Variants in SSBP3 observed in about 807,000 individuals in gnomAD.
SSBP3 encodes the protein single stranded DNA binding protein 3.
In SSBP3, 5 loss-of-function variants were observed where a neutral mutation model predicts 69.6. The observed-to-expected ratio is 0.07, with a 90% CI of 0.04 to 0.15. The LOEUF (loss-of-function observed/expected upper bound fraction) is 0.15, where lower values mean the gene tolerates loss of function less well. Among genes scored for constraint, SSBP3 ranks in the 10% least tolerant of loss-of-function variants. The pLI, the probability that SSBP3 is intolerant of heterozygous loss-of-function variation, is 1.00. For synonymous variants in SSBP3, 196 were observed against 193.4 expected, an observed-to-expected ratio of 1.01 and a Z score of -0.11; for missense variants, 312 against 534.0, an observed-to-expected ratio of 0.58 and a Z score of 4.10.
At chr1:54,374,469 G>A (rs1647184478) in intron 4 of SSBP3, among the ~76,000 whole-genome samples, 1 of 152,186 alleles carries the variant, frequency 6.6e-6, no homozygotes, top group African/African-American at 2.4e-5. Flanking sequence ...AAAAGTTCTT[G>A]ACCTGTCCAA....
intron 5 of SSBP3, among the ~76,000 whole-genome samples, chr1:54,259,731 C>T (rs1049406852): frequency 3.3e-5 from 5 of 152,266 alleles, no homozygotes; most frequent in South Asian, 4.2e-4. Context: ...CAGAGAACAT[C>T]GCAGGGGGCT....
intron 4 of SSBP3, among the ~76,000 whole-genome samples, chr1:54,305,384 G>A (rs1021086121): frequency 1.3e-4 from 20 of 152,112 alleles, no homozygotes; most frequent in African/African-American, 4.8e-4. Flanking sequence ...CATTTTCTAT[G>A]ATGAGACATC....
At chr1:54,251,892 C>G (rs1409512773) in intron 7 of SSBP3, 32 bp from the exon 8 acceptor site, 1 of 1,598,660 alleles carries the variant, frequency 6.3e-7, no homozygotes, top group South Asian at 1.1e-5. Flanking sequence ...AGCTGAGGAG[C>G]TGCTCCGGAG....
rs373518766 is a variant in SSBP3, at chr1:54,375,737, A to C, written c.276+26124T>G. ...CCATCTATGTAAAGTAACAGCCTTTAAAGGGTGACCCACAGCCAGAGCCTT... is the reference window on the plus strand; with the variant it reads ...CCATCTATGTAAAGTAACAGCCTTTCAAGGGTGACCCACAGCCAGAGCCTT... On this transcript the variant is annotated intron_variant, in intron 4 of 17. Transcript: ENST00000610401. Among the ~76,000 whole-genome samples, 6 of 152,340 alleles carry C rather than the reference A, an allele frequency of 3.9e-5. No individual in the cohort carries two copies. In the South Asian group the frequency reaches 1.2e-3, roughly 32 times the overall value.
intron 4 of SSBP3, among the ~76,000 whole-genome samples, chr1:54,382,303 A>C (rs528414174): frequency 2.6e-5 from 4 of 152,308 alleles, no homozygotes; most frequent in African/African-American, 9.6e-5. Flanking sequence ...TTGAACTCCT[A>C]GGCTCAAGCG....
intron 4 of SSBP3, among the ~76,000 whole-genome samples, chr1:54,338,791 G>A (rs1006391432): frequency 6.6e-6 from 1 of 152,172 alleles, no homozygotes; most frequent in African/African-American, 2.4e-5. Flanking sequence ...GGGCAGAAGA[G>A]AGTGACACCC....
At chr1:54,406,038 G>C in exon 1 of SSBP3, 3 of 1,212,182 alleles carry the variant, frequency 2.5e-6, no homozygotes, top group Non-Finnish European at 3.3e-6. Context: ...GCCGAGCCTC[G>C]CCGCCGCCGC....
chr1:54,270,939 C>T (rs1213463660), intron 5 of SSBP3, among the ~76,000 whole-genome samples: 2 of 152,294 alleles, frequency 1.3e-5, no homozygotes, highest in East Asian at 3.9e-4. Context: ...GGATCACCTT[C>T]ACAGAAGGTG....
chr1:54,384,745 T>G (rs921831535), intron 4 of SSBP3, among the ~76,000 whole-genome samples: 4 of 152,232 alleles, frequency 2.6e-5, no homozygotes, highest in African/African-American at 9.6e-5. Flanking sequence ...ACAGATGTCT[T>G]TTTAATGTTA....
chr1:54,279,539 C>T (rs138463862), intron 5 of SSBP3, among the ~76,000 whole-genome samples: 16 of 152,334 alleles, frequency 1.1e-4, no homozygotes, highest in African/African-American at 3.8e-4. Flanking sequence ...TAATCTGCAC[C>T]GGACACCCAG....
exon 7 of SSBP3, chr1:54,257,159 C>T (rs1332724257): frequency 7.5e-6 from 12 of 1,602,442 alleles, no homozygotes; most frequent in Admixed American, 1.7e-5. Flanking sequence ...GGCCTGGGGC[C>T]GCCTGCGTAT....
At chr1:54,292,688 G>A (rs114962284) in intron 4 of SSBP3, among the ~76,000 whole-genome samples, 31 of 152,280 alleles carry the variant, frequency 2.0e-4, no homozygotes, top group African/African-American at 6.5e-4. Flanking sequence ...CTGAACAAAC[G>A]AGAGGGAGTG....
rs201860772 is a variant in SSBP3 at position 54,316,661 on chromosome 1, AAAATAAATAAATAAAT to A, written c.277-35150_277-35135del. On this transcript the variant is annotated intron_variant, in intron 4 of 17. Transcript: ENST00000610401. ...AGACTCCGTCTCAAAAAAAAAAAATAAAATAAATAAATAAATAAATAAATAAATAAATAAATAAATA... is the reference window on the plus strand; with the variant it reads ...AGACTCCGTCTCAAAAAAAAAAAATAAAATAAATAAATAAATAAATAAATA... 1.5e-3 allele frequency among the ~76,000 whole-genome samples: 91 copies of A among 60,990 alleles called. 3 individuals are homozygous for A. The highest frequency in any genetic ancestry group is 2.8e-3 in the South Asian group (7 of 2,496). The allele number at this position is 60,990 out of a possible 152,430, so 40.0% of individuals were successfully genotyped here.
chr1:54,327,012 A>G (rs1646316524), intron 4 of SSBP3, among the ~76,000 whole-genome samples: 1 of 151,954 alleles, frequency 6.6e-6, no homozygotes, highest in East Asian at 1.9e-4. Flanking sequence ...GGGGATTTCA[A>G]GGACAGGCAA....
chr1:54,239,313 A>G, intron 13 of SSBP3, 114 bp from the exon 14 acceptor site: 1 of 772,360 alleles, frequency 1.3e-6, no homozygotes, highest in South Asian at 1.9e-5. Flanking sequence ...ATTTCCTCTA[A>G]GTACCACCAT....
At chr1:54,284,230 C>T (rs1008357814) in intron 4 of SSBP3, among the ~76,000 whole-genome samples, 3 of 151,074 alleles carry the variant, frequency 2.0e-5, no homozygotes, top group Admixed American at 1.3e-4. Flanking sequence ...CACCACCCCC[C>T]GCCTATTAAC....
At chr1:54,317,474 T>C (rs1023754467) in intron 4 of SSBP3, among the ~76,000 whole-genome samples, 9 of 151,692 alleles carry the variant, frequency 5.9e-5, no homozygotes, top group Non-Finnish European at 1.0e-4. Flanking sequence ...GAGGCAGAGG[T>C]TGCAGTGAGC....
intron 4 of SSBP3, among the ~76,000 whole-genome samples, chr1:54,342,439 C>T (rs1343609254): frequency 1.3e-5 from 2 of 152,224 alleles, no homozygotes; most frequent in Non-Finnish European, 2.9e-5. Context: ...CCAGCAGTGA[C>T]CAGAGCAGTG....
upstream of SSBP3, among the ~76,000 whole-genome samples, chr1:54,407,026 C>T (rs1252970291): frequency 1.3e-5 from 2 of 152,058 alleles, no homozygotes; most frequent in African/African-American, 4.8e-5. Context: ...GGGCTCCACG[C>T]TGAGAGCTGG....
Sources: gnomAD v4.1 joint callset for allele counts (sites outside exome capture counted in the v4.1 genomes callset) on GRCh38, gnomAD v4.1.1 for gene constraint, MANE v1.5 for transcripts, NCBI Gene and HGNC (gene_info 2026-07-23, HGNC 2026-07-21) for gene names.